FGFRL1: variants seen among roughly 807,000 people sequenced by gnomAD.
FGFRL1 encodes the protein fibroblast growth factor receptor like 1, also known as fibroblast growth factor receptor-like 1.
In FGFRL1, 24 loss-of-function variants were observed where a neutral mutation model predicts 36.8. That is an observed-to-expected ratio of 0.65 (90% CI 0.47 to 0.92). The LOEUF (loss-of-function observed/expected upper bound fraction) is 0.92. FGFRL1 is among the 40% of genes least tolerant of loss of function. FGFRL1 has a pLI of 0.00. For missense variants in FGFRL1, 785 were observed against 753.4 expected, an observed-to-expected ratio of 1.04 and a Z score of -0.49; for synonymous variants, 422 against 344.1, an observed-to-expected ratio of 1.23 and a Z score of -2.50.
chr4:1,015,165 C>A (rs955109887), intron 2 of FGFRL1, among the ~76,000 whole-genome samples: 1 of 152,206 alleles, frequency 6.6e-6, no homozygotes, highest in Non-Finnish European at 1.5e-5. Flanking sequence ...GCCCTCTGTG[C>A]GGCCCGGGCT....
At chr4:1,017,044 T>C (rs1459058851) in intron 2 of FGFRL1, among the ~76,000 whole-genome samples, 1 of 152,146 alleles carries the variant, frequency 6.6e-6, no homozygotes, top group African/African-American at 2.4e-5. Context: ...GCACCTGGAT[T>C]GGCTCTGCAC....
At chr4:1,018,076 T>C (rs559896666) in intron 2 of FGFRL1, among the ~76,000 whole-genome samples, 34 of 152,148 alleles carry the variant, frequency 2.2e-4, no homozygotes, top group African/African-American at 8.2e-4. Flanking sequence ...GCACTTCAGA[T>C]GGGGCAGGTG....
At chr4:1,015,998 G>A (rs769355820) in intron 2 of FGFRL1, among the ~76,000 whole-genome samples, 1 of 152,250 alleles carries the variant, frequency 6.6e-6, no homozygotes, top group South Asian at 2.1e-4. Flanking sequence ...CCTGTGGCCT[G>A]CAGGGGCCTG....
rs905510441 is a variant in FGFRL1 at position 1,026,420 on chromosome 4, C to G, written c.*1073C>G. The G allele has an allele frequency of 6.9e-5, 11 of 159,932 alleles. No homozygotes were observed. The highest frequency in any genetic ancestry group is 1.5e-4 in the Non-Finnish European group (11 of 73,142). The allele number at this position is 159,932 out of a possible 1,614,324, so 9.9% of individuals were successfully genotyped here. ...CTGCTCCACCGTCACTCCCCCAACTCTGCCCGCCTCTGTCCCCGCCTCAGT... is the reference window on the plus strand; with the variant it reads ...CTGCTCCACCGTCACTCCCCCAACTGTGCCCGCCTCTGTCCCCGCCTCAGT... On this transcript the variant is annotated 3_prime_UTR_variant, in exon 7 of 7. Transcript: ENST00000510644.
At chr4:1,016,858 C>T (rs113674020) in intron 2 of FGFRL1, among the ~76,000 whole-genome samples, 2,217 of 152,242 alleles carry the variant, frequency 0.015, 48 homozygotes, top group African/African-American at 0.048. Flanking sequence ...GCCACTCTTG[C>T]ACTTGGCTTC....
At position 1,023,773 on chromosome 4, in the gene FGFRL1, G is replaced by A; in HGVS notation, c.434-44G>A. On this transcript the variant is annotated intron_variant, in intron 4 of 6. Transcript: ENST00000510644. This position sits in a 1 kb window ranked among gnomAD's most constrained non-coding sequence, Gnocchi z 6.0. ...GGCGTCCGTCTGTCCCGGCCCCTTGGCTGCATCCCCGTCCTCTGACCTCCA... is the reference window on the plus strand; with the variant it reads ...GGCGTCCGTCTGTCCCGGCCCCTTGACTGCATCCCCGTCCTCTGACCTCCA... 1 of 1,555,540 alleles carries A rather than the reference G, an allele frequency of 6.4e-7. No homozygotes were observed. Among genetic ancestry groups the A allele is most frequent in the African/African-American group, 1.4e-5 (1 of 73,862 alleles).
In FGFRL1 at chr4:1,024,926, C is replaced by T. The variant is rs763163157; in HGVS notation, c.1094C>T (p.Pro365Leu). Residue 365 changes from proline (P) to leucine (L), a missense_variant, in exon 7 of 7, where the codon CCT becomes CTT. Coordinates refer to ENST00000510644, the MANE Select transcript of FGFRL1 (RefSeq NM_001004356.3). ...VLPDPKPPGP[P>L]VASSSSATSL... Reference sequence around the variant, plus strand: ...GCAGACCCAAAACCGCCAGGGCCACCTGTGGCCTCCTCGTCCTCGGCCACT... The same window carrying T: ...GCAGACCCAAAACCGCCAGGGCCACTTGTGGCCTCCTCGTCCTCGGCCACT... The T allele has an allele frequency of 4.4e-6, 7 of 1,599,458 alleles. No individual in the cohort carries two copies. The highest frequency in any genetic ancestry group is 6.0e-6 in the Non-Finnish European group (7 of 1,176,142).
In FGFRL1 at chr4:1,022,388, G is replaced by A. The variant is rs377619943; in HGVS notation, c.265G>A (p.Val89Met). 6.8e-6 allele frequency: 11 copies of A among 1,611,430 alleles called. No individual in the cohort carries two copies. Among genetic ancestry groups the A allele is most frequent in the Non-Finnish European group, 9.3e-6 (11 of 1,179,468 alleles). ...VLPQGLKVKQ[V>M]EREDAGVYVC... is the part of the protein sequence containing the mutation. ...GCCGCAGGGGCTGAAGGTGAAGCAG[G>A]TGGAGCGGGAGGATGCCGGCGTGTA... is the stretch of plus-strand genomic sequence containing the variant. Residue 89 changes from valine (V) to methionine (M), a missense_variant, in exon 3 of 7, where the codon GTG becomes ATG. By Grantham distance (21) the Val-to-Met change is conservative. Coordinates refer to ENST00000510644, the MANE Select transcript of FGFRL1 (RefSeq NM_001004356.3).
chr4:1,012,197 T>A, intron 1 of FGFRL1: 3 of 337,402 alleles, frequency 8.9e-6, no homozygotes, highest in Admixed American at 5.2e-5. Context: ...CTGAGTGTTG[T>A]GTGTCCTGCG....
chr4:1,019,683 C>A (rs1175218687), intron 2 of FGFRL1, among the ~76,000 whole-genome samples: 1 of 152,174 alleles, frequency 6.6e-6, no homozygotes, highest in East Asian at 1.9e-4. Context: ...CTGGCAGCCC[C>A]CCACAGCCGC....
At chr4:1,024,808 G>A in intron 6 of FGFRL1, 97 bp from the exon 7 acceptor site, 3 of 1,422,114 alleles carry the variant, frequency 2.1e-6, no homozygotes, top group Non-Finnish European at 1.9e-6. Context: ...GCAGCCCAGG[G>A]GCACCGTCTC....
intron 3 of FGFRL1, 44 bp downstream of exon 3, chr4:1,022,519 C>T (rs573277702): frequency 6.5e-7 from 1 of 1,545,916 alleles, no homozygotes; most frequent in African/African-American, 1.4e-5. Context: ...GGGTTGGAGC[C>T]AGGCAGGGGT....
chr4:1,013,391 G>A (rs1373197947), intron 2 of FGFRL1, among the ~76,000 whole-genome samples: 4 of 152,248 alleles, frequency 2.6e-5, no homozygotes, highest in South Asian at 2.1e-4. Flanking sequence ...AGGATTGTCC[G>A]CGCTGTGTCC....
intron 2 of FGFRL1, among the ~76,000 whole-genome samples, chr4:1,017,768 G>A (rs1401932103): frequency 6.6e-6 from 1 of 152,172 alleles, no homozygotes; most frequent in African/African-American, 2.4e-5. Context: ...TTCTGGGGAA[G>A]CACCCCCTCC....
intron 2 of FGFRL1, among the ~76,000 whole-genome samples, chr4:1,019,751 CT>C (rs1227973930): frequency 5.9e-5 from 9 of 152,158 alleles, no homozygotes; most frequent in Non-Finnish European, 1.3e-4. Context: ...GGCTTCAGGG[CT>C]GGGGCCCATG....
At chr4:1,011,350 AG>A (rs1202633811), upstream of FGFRL1, 1 of 119,860 alleles carries the variant, frequency 8.3e-6, no homozygotes, top group Non-Finnish European at 1.7e-5. Flanking sequence ...GCGGGGACCA[AG>A]GGCGCGCGGG....
Position 1,025,117 on chromosome 4 carries a change from G to A in FGFRL1, c.1285G>A (p.Asp429Asn), listed in dbSNP as rs376736117. The A allele has an allele frequency of 1.2e-6, 2 of 1,611,312 alleles. No individual in the cohort carries two copies. The highest frequency in any genetic ancestry group is 2.7e-5 in the African/African-American group (2 of 74,906). The change falls in exon 7 of 7, where the codon GAC becomes AAC. Residue 429 changes from aspartate (D) to asparagine (N), a missense_variant. Transcript: ENST00000510644. ...PPGTARDRSG[D>N]KDLPSLAALS... is the part of the protein sequence containing the mutation. ...GGGGACGGCCCGCGACCGCAGCGGA[G>A]ACAAGGACCTTCCCTCGTTGGCCGC...
At chr4:1,018,127 G>T (rs1353610526) in intron 2 of FGFRL1, among the ~76,000 whole-genome samples, 3 of 152,178 alleles carry the variant, frequency 2.0e-5, no homozygotes, top group African/African-American at 7.2e-5. Context: ...ACGGGGAAGG[G>T]CAGGCCGCAG....
At position 1,023,456 on chromosome 4, in the gene FGFRL1, G is replaced by T. The variant is rs1716306183; in HGVS notation, c.353-185G>T. On this transcript the variant is annotated intron_variant, in intron 3 of 6. Coordinates refer to ENST00000510644, the MANE Select transcript of FGFRL1 (RefSeq NM_001004356.3). This position sits in a 1 kb window ranked among gnomAD's most constrained non-coding sequence, Gnocchi z 6.0. Reference sequence around the variant, plus strand: ...CATCAGGGTCACCTGCGCCCAGTGTGGGCCAGCGGCCCTTGCCCAGCTGTC... The same window carrying T: ...CATCAGGGTCACCTGCGCCCAGTGTTGGCCAGCGGCCCTTGCCCAGCTGTC... 6.6e-6 allele frequency among the ~76,000 whole-genome samples: 1 copy of T among 152,196 alleles called. No individual in the cohort carries two copies. The highest frequency in any genetic ancestry group is 2.4e-5 in the African/African-American group (1 of 41,454).
Sources: allele counts gnomAD v4.1 joint callset (sites outside exome capture counted in the v4.1 genomes callset), GRCh38; gene constraint gnomAD v4.1.1; non-coding constraint Gnocchi (gnomAD v3.1); transcripts MANE v1.5; gene names NCBI Gene and HGNC (gene_info 2026-07-23, HGNC 2026-07-21).